The following ME2 variants were observed in gnomAD, a reference collection of about 807,000 sequenced individuals.
ME2 encodes NAD-dependent malic enzyme, mitochondrial.
A neutral mutation model predicts 73.7 loss-of-function variants in ME2; 60 were observed. The ratio of observed to expected loss-of-function variants is 0.81; its 90% CI spans 0.66 to 1.01. The LOEUF is 1.01. Ranked by LOEUF, ME2 falls within the 50% of genes least tolerant of loss-of-function variation. ME2 has a pLI of 0.00. For synonymous variants in ME2, 199 were observed against 236.9 expected (o/e 0.84, Z 1.47); for missense variants, 594 against 705.5 (o/e 0.84, Z 1.79).
intron 10 of ME2, among the ~76,000 whole-genome samples, chr18:50,922,280 T>C (rs1454641746): frequency 2.0e-5 from 3 of 152,236 alleles, no homozygotes; most frequent in African/African-American, 7.2e-5. Context: ...TTTAATCATC[T>C]CAAAAAATCC....
chr18:50,941,544 T>A (rs1026695630), intron 15 of ME2, among the ~76,000 whole-genome samples: 6 of 150,980 alleles, frequency 4.0e-5, no homozygotes, highest in Non-Finnish European at 8.9e-5. Context: ...CAGCTAATTT[T>A]TTGTATTTTT....
chr18:50,925,718 A>G (rs1034757266), intron 11 of ME2, 38 bp from the exon 12 acceptor site: 26 of 1,593,546 alleles, frequency 1.6e-5, no homozygotes, highest in Non-Finnish European at 1.8e-5. Flanking sequence ...TTTTATACCT[A>G]TAATGAAGTT....
At chr18:50,937,394 T>C (rs2144263993) in intron 13 of ME2, among the ~76,000 whole-genome samples, 1 of 152,292 alleles carries the variant, frequency 6.6e-6, no homozygotes, top group Non-Finnish European at 1.5e-5. Flanking sequence ...ATAGGAAGTT[T>C]AAAAGCATGT....
chr18:50,924,571 C>G (rs1341675701), intron 11 of ME2, among the ~76,000 whole-genome samples: 3 of 152,204 alleles, frequency 2.0e-5, no homozygotes, highest in African/African-American at 7.2e-5. Context: ...TGTTTTGAAT[C>G]AGGCATTGCA....
intron 2 of ME2, among the ~76,000 whole-genome samples, chr18:50,904,869 AT>A (rs1373593366): frequency 1.3e-5 from 2 of 151,698 alleles, no homozygotes; most frequent in African/African-American, 4.8e-5. Context: ...TGTTTCTCAT[AT>A]TTGGGAAGTT....
In ME2 at chr18:50,924,280, T is replaced by C. The variant is rs1917497095; in HGVS notation, c.1171+68T>C. On this transcript the variant is annotated intron_variant, in intron 11 of 15. Coordinates refer to ENST00000321341, the MANE Select transcript of ME2 (RefSeq NM_002396.5). Reference sequence around the variant, plus strand: ...TATGTTGCCAGTCATCATTACCATGTAGGATTACTAAAAATGAATTGGCAG... The same window carrying C: ...TATGTTGCCAGTCATCATTACCATGCAGGATTACTAAAAATGAATTGGCAG... 2.9e-6 allele frequency: 3 copies of C among 1,020,828 alleles called. No individual in the cohort carries two copies. The South Asian group carries it at 4.5e-5, about 15-fold the overall frequency. The allele number at this position is 1,020,828 out of a possible 1,614,324, so 63.2% of individuals were successfully genotyped here.
chr18:50,880,951 AC>A (rs1262928303), intron 1 of ME2, among the ~76,000 whole-genome samples: 1 of 152,224 alleles, frequency 6.6e-6, no homozygotes, highest in African/African-American at 2.4e-5. Flanking sequence ...AAAATTAAAA[AC>A]TTACAGCTAT....
chr18:50,888,592 A>G (rs776110575), intron 1 of ME2, among the ~76,000 whole-genome samples: 9 of 152,052 alleles, frequency 5.9e-5, no homozygotes, highest in Non-Finnish European at 1.3e-4. Flanking sequence ...AAATTAAGAT[A>G]TTTAAACTAG....
intron 9 of ME2, 86 bp downstream of exon 9, chr18:50,920,844 G>A: frequency 3.0e-6 from 3 of 1,016,588 alleles, no homozygotes; most frequent in Non-Finnish European, 4.3e-6. Context: ...TTATGAAAGA[G>A]CATAGTGAGC....
intron 2 of ME2, 120 bp downstream of exon 2, chr18:50,896,048 G>A (rs921309717): frequency 1.5e-6 from 1 of 666,526 alleles, no homozygotes; most frequent in Non-Finnish European, 2.4e-6. Context: ...AGAGATAGTT[G>A]TTTACATGAA....
rs181263950 is a variant in ME2 at position 50,947,400 on chromosome 18, C to G, written c.*216C>G. 548 of 531,094 alleles carry G rather than the reference C, an allele frequency of 1.0e-3. 2 individuals carry two copies. Among genetic ancestry groups the G allele is most frequent in the Non-Finnish European group, 1.4e-3 (409 of 299,220 alleles). 32.9% of individuals were successfully genotyped at this position (531,094 alleles called of 1,614,324 possible). ...ACCCTACAGTCAGATAGTTGTGATG[C>G]TTTAATTCTAACATACAGCCCGTAC... On this transcript the variant is annotated 3_prime_UTR_variant, in exon 16 of 16. Transcript: ENST00000321341.
intron 15 of ME2, chr18:50,942,854 T>C (rs952101874): frequency 1.2e-4 from 29 of 239,234 alleles, no homozygotes; most frequent in African/African-American, 6.2e-4. Flanking sequence ...AGTTTTTAAT[T>C]GTCTGCAAGT....
chr18:50,936,119 G>C (rs1917814925), intron 13 of ME2, among the ~76,000 whole-genome samples: 1 of 152,070 alleles, frequency 6.6e-6, no homozygotes, highest in Non-Finnish European at 1.5e-5. Flanking sequence ...GAATATGAAA[G>C]CAGTCAGAAC....
chr18:50,912,018 C>T (rs981538272), intron 3 of ME2, among the ~76,000 whole-genome samples: 2 of 152,072 alleles, frequency 1.3e-5, no homozygotes, highest in African/African-American at 4.8e-5. Context: ...AGCTACTTAG[C>T]AGGTAGACTC....
At chr18:50,940,445 ATAC>A in intron 15 of ME2, 59 bp downstream of exon 15, 2 of 1,139,798 alleles carry the variant, frequency 1.8e-6, no homozygotes, top group Non-Finnish European at 2.6e-6. Flanking sequence ...TATACAAGAA[ATAC>A]AGGTTTATTA....
Position 50,894,599 on chromosome 18 carries a change from G to A in ME2, c.-12-1210G>A, listed in dbSNP as rs921679073. ...AAAAATCCCTATTTTGGCCGGGAAC[G>A]GTGGCTCACGCCTGTAATCCCAGCA... On this transcript the variant is annotated intron_variant, in intron 1 of 15. Transcript: ENST00000321341. Among the ~76,000 whole-genome samples the A allele has an allele frequency of 1.5e-4, 22 of 149,742 alleles. No homozygotes were observed. In the East Asian group the frequency reaches 1.8e-3, roughly 12 times the overall value.
intron 4 of ME2, among the ~76,000 whole-genome samples, chr18:50,915,194 A>C (rs1917258094): frequency 6.6e-6 from 1 of 152,062 alleles, no homozygotes; most frequent in African/African-American, 2.4e-5. Flanking sequence ...TTCATATGGC[A>C]TACAAAATAG....
At chr18:50,897,796 G>A (rs1385839718) in intron 2 of ME2, among the ~76,000 whole-genome samples, 1 of 151,952 alleles carries the variant, frequency 6.6e-6, no homozygotes, top group East Asian at 1.9e-4. Flanking sequence ...GAAGTGGAGA[G>A]TGCGGTGAGC....
intron 3 of ME2, 106 bp from the exon 4 acceptor site, chr18:50,912,695 A>G (rs918284377): frequency 1.1e-6 from 1 of 950,898 alleles, no homozygotes; most frequent in Non-Finnish European, 1.4e-6. Flanking sequence ...TGATGTGAGA[A>G]TGGGGCTCAA....
Sources: gnomAD v4.1 joint callset for allele counts (sites outside exome capture counted in the v4.1 genomes callset) on GRCh38, gnomAD v4.1.1 for gene constraint, MANE v1.5 for transcripts, NCBI Gene and HGNC (gene_info 2026-07-23, HGNC 2026-07-21) for gene names.